CDK5RAP2: variants seen among roughly 807,000 people sequenced by gnomAD.
CDK5RAP2 encodes the protein CDK5 regulatory subunit-associated protein 2.
A neutral mutation model predicts 232.9 loss-of-function variants in CDK5RAP2; 147 were observed. The ratio of observed to expected loss-of-function variants is 0.63; its 90% CI spans 0.55 to 0.72. The LOEUF (loss-of-function observed/expected upper bound fraction) is 0.72, where lower values mean the gene tolerates loss of function less well. CDK5RAP2 is among the 30% of genes least tolerant of loss of function. CDK5RAP2 has a pLI of 0.00. For synonymous variants in CDK5RAP2, 833 were observed against 833.7 expected, an observed-to-expected ratio of 1.00 and a Z score of 0.01; for missense variants, 2,195 against 2,231.5, an observed-to-expected ratio of 0.98 and a Z score of 0.33.
rs766140174 is a variant in CDK5RAP2 at position 120,528,815 on chromosome 9, T to C, written c.826-18A>G. On this transcript the variant is annotated intron_variant, in intron 8 of 37. Transcript: ENST00000349780. ...TGTGCAGCCTAAGAAAAGGCATTAA[T>C]TGGTGTGAAGAAGGGACGTGCAATC... 9 of 1,601,164 alleles carry C rather than the reference T, an allele frequency of 5.6e-6. No individual in the cohort carries two copies. The Admixed American group carries it at 1.0e-4, about 18-fold the overall frequency.
intron 25 of CDK5RAP2, among the ~76,000 whole-genome samples, chr9:120,430,947 T>C (rs1322014632): frequency 2.0e-5 from 3 of 152,094 alleles, no homozygotes; most frequent in Non-Finnish European, 4.4e-5. Context: ...AAATGATGAG[T>C]TCATGTCCTT....
At chr9:120,492,748 T>C (rs555176085) in intron 12 of CDK5RAP2, among the ~76,000 whole-genome samples, 1 of 152,308 alleles carries the variant, frequency 6.6e-6, no homozygotes, top group South Asian at 2.1e-4. Context: ...AGTAATGATA[T>C]TGGTAATGTT....
intron 4 of CDK5RAP2, 45 bp from the exon 5 acceptor site, chr9:120,545,835 G>C: frequency 2.0e-6 from 3 of 1,481,130 alleles, no homozygotes; most frequent in Non-Finnish European, 2.8e-6. Context: ...GTAAAATAGA[G>C]GACCTATGAA....
At chr9:120,497,794 A>G (rs2039382262) in intron 12 of CDK5RAP2, among the ~76,000 whole-genome samples, 1 of 152,180 alleles carries the variant, frequency 6.6e-6, no homozygotes, top group East Asian at 1.9e-4. Context: ...ATCTGACATA[A>G]TGTAAAAGAG....
At chr9:120,525,189 A>G in intron 10 of CDK5RAP2, 111 bp from the exon 11 acceptor site, 1 of 835,544 alleles carries the variant, frequency 1.2e-6, no homozygotes, top group East Asian at 2.7e-5. Flanking sequence ...AGGGCTTTGT[A>G]GTCAGAAGAG....
At chr9:120,542,431 G>GCAGAAGAA (rs1463900351) in intron 5 of CDK5RAP2, among the ~76,000 whole-genome samples, 2 of 151,850 alleles carry the variant, frequency 1.3e-5, no homozygotes, top group African/African-American at 2.4e-5. Flanking sequence ...CTTGAACCCG[G>GCAGAAGAA]GTTGTACTGA....
chr9:120,580,034 C>A lies in CDK5RAP2; in HGVS notation c.-56G>T. 8.4e-7 allele frequency: 1 copy of A among 1,196,910 alleles called. No individual in the cohort carries two copies. The highest frequency in any genetic ancestry group is 1.2e-6 in the Non-Finnish European group (1 of 812,540). 74.1% of individuals were successfully genotyped at this position (1,196,910 alleles called of 1,614,324 possible). ...TGTGGCGGCGGCGCCACTAGTACCC[C>A]CCGCGATAGCGACCCGCCGGGCTCC... On this transcript the variant is annotated 5_prime_UTR_variant, in exon 1 of 38. Transcript: ENST00000349780.
intron 5 of CDK5RAP2, among the ~76,000 whole-genome samples, chr9:120,544,375 A>T (rs1588619643): frequency 6.6e-6 from 1 of 151,042 alleles, no homozygotes; most frequent in African/African-American, 2.4e-5. Flanking sequence ...TCTACTTCAA[A>T]AAACAACAAC....
intron 29 of CDK5RAP2, among the ~76,000 whole-genome samples, chr9:120,410,752 C>A (rs2033798161): frequency 6.6e-6 from 1 of 152,220 alleles, no homozygotes; most frequent in African/African-American, 2.4e-5. Context: ...TCTAGCTCTA[C>A]CACATTCTAG....
Position 120,389,118 on chromosome 9 carries a change from T to G in CDK5RAP2, c.*118A>C. ...AGAGAGAAAACATGAAGGGAAAAAA[T>G]AGATTTCCTTTGGCCAGACAGCTCT... On this transcript the variant is annotated 3_prime_UTR_variant, in exon 38 of 38. Coordinates refer to ENST00000349780, the MANE Select transcript of CDK5RAP2 (RefSeq NM_018249.6). 1.1e-6 allele frequency: 1 copy of G among 894,906 alleles called. No individual in the cohort carries two copies. Among genetic ancestry groups the G allele is most frequent in the Admixed American group, 2.3e-5 (1 of 43,936 alleles). 55.4% of individuals were successfully genotyped at this position (894,906 alleles called of 1,614,324 possible). A position where few individuals can be genotyped will look rare whatever the true frequency, so the allele number is the denominator to read the frequency against.
At chr9:120,537,543 T>C (rs1342381163) in intron 6 of CDK5RAP2, among the ~76,000 whole-genome samples, 1 of 152,166 alleles carries the variant, frequency 6.6e-6, no homozygotes, top group Admixed American at 6.5e-5. Context: ...TTATCTCCCA[T>C]CTGCATCCAA....
chr9:120,489,209 T>C (rs1244296960), intron 13 of CDK5RAP2, among the ~76,000 whole-genome samples: 1 of 152,232 alleles, frequency 6.6e-6, no homozygotes, highest in Admixed American at 6.5e-5. Flanking sequence ...AGAATTCCGA[T>C]GTCATTCCAA....
Position 120,400,730 on chromosome 9 carries a change from G to A in CDK5RAP2, c.5451+12C>T. ...GCATCCTTGAGCCTCTGAAACATGT[G>A]TCACCACCTACCTGCTCACAGTGAA... is the stretch of plus-strand genomic sequence containing the variant. On this transcript the variant is annotated intron_variant, in intron 35 of 37. Transcript: ENST00000349780. The A allele has an allele frequency of 6.2e-7, 1 of 1,613,042 alleles. No homozygotes were observed. The highest frequency in any genetic ancestry group is 8.5e-7 in the Non-Finnish European group (1 of 1,179,998).
At chr9:120,467,678 C>T (rs560775851) in intron 18 of CDK5RAP2, among the ~76,000 whole-genome samples, 182 bp downstream of exon 18, 1 of 151,996 alleles carries the variant, frequency 6.6e-6, no homozygotes, top group Non-Finnish European at 1.5e-5. Context: ...CAGGGTCTCG[C>T]TCTATCCCCC....
chr9:120,476,962 C>A (rs907904161), intron 15 of CDK5RAP2, among the ~76,000 whole-genome samples: 1 of 152,164 alleles, frequency 6.6e-6, no homozygotes, highest in Non-Finnish European at 1.5e-5. Flanking sequence ...AAGTCACTTA[C>A]CCTATCTTAG....
chr9:120,550,763 G>C (rs1249308359), intron 4 of CDK5RAP2, 29 bp downstream of exon 4: 3 of 1,189,168 alleles, frequency 2.5e-6, no homozygotes, highest in African/African-American at 1.5e-5. Context: ...AAGGACACAA[G>C]GGACAGTAAT....
At chr9:120,483,903 C>T (rs894372630) in intron 14 of CDK5RAP2, among the ~76,000 whole-genome samples, 5 of 152,208 alleles carry the variant, frequency 3.3e-5, no homozygotes, top group African/African-American at 1.2e-4. Flanking sequence ...AATTTAGAGG[C>T]CTGGTAGATA....
At chr9:120,395,119 G>C (rs2032346171) in intron 35 of CDK5RAP2, among the ~76,000 whole-genome samples, 1 of 152,118 alleles carries the variant, frequency 6.6e-6, no homozygotes. Flanking sequence ...TGACGTTGTA[G>C]AGCTCTATGC....
At chr9:120,394,210 C>G (rs1234585316) in intron 36 of CDK5RAP2, among the ~76,000 whole-genome samples, 1 of 152,186 alleles carries the variant, frequency 6.6e-6, no homozygotes, top group Admixed American at 6.5e-5. Context: ...CTTGCCGGGA[C>G]AGAGTGACGG....
Sources: allele counts gnomAD v4.1 joint callset (sites outside exome capture counted in the v4.1 genomes callset), GRCh38; gene constraint gnomAD v4.1.1; transcripts MANE v1.5; gene names NCBI Gene and HGNC (gene_info 2026-07-23, HGNC 2026-07-21).